MRPL44: variants seen among roughly 807,000 people sequenced by gnomAD.
The protein encoded by MRPL44 is large ribosomal subunit protein mL44.
In MRPL44, 21 loss-of-function variants were observed where a neutral mutation model predicts 25.9. That is an observed-to-expected ratio of 0.81 (90% confidence interval 0.58 to 1.17). MRPL44 has a LOEUF of 1.17. MRPL44 is among the 50% of genes most tolerant of loss of function. The probability of loss-of-function intolerance (pLI) is 0.00; values close to 1 mark genes in which losing one functional copy is unlikely to be tolerated. For missense variants in MRPL44, 410 were observed against 398.9 expected (o/e 1.03, Z -0.24); for synonymous variants, 169 against 151.0 (o/e 1.12, Z -0.87).
At chr2:223,951,482 T>TTTTTTTTG in the MRPL44 span, among the ~76,000 whole-genome samples, 2 of 137,022 alleles carry the variant, frequency 1.5e-5, no homozygotes, top group African/African-American at 6.6e-5. Flanking sequence ...CTTGGAGTTT[T>TTTTTTTTG]TTTTTTTTTT....
upstream of MRPL44, among the ~76,000 whole-genome samples, chr2:223,956,338 G>C (rs145206507): frequency 4.6e-5 from 7 of 152,250 alleles, no homozygotes; most frequent in East Asian, 9.7e-4. Context: ...TCTCCCTTTT[G>C]AAATGGTCAA....
intron 3 of MRPL44, chr2:223,965,732 C>T (rs1300351720): frequency 1.3e-5 from 2 of 152,150 alleles, no homozygotes; most frequent in Non-Finnish European, 2.9e-5. Context: ...ATAGAATACT[C>T]ATAGCCAACA....
At chr2:223,957,332 T>G (rs1689580501), upstream of MRPL44, 2 of 1,072,372 alleles carry the variant, frequency 1.9e-6, no homozygotes, top group Non-Finnish European at 2.7e-6. Flanking sequence ...GCCCCTGCCC[T>G]CTCTCAGTCG....
chr2:223,961,459 A>T (rs1689660514), intron 2 of MRPL44, among the ~76,000 whole-genome samples: 1 of 152,254 alleles, frequency 6.6e-6, no homozygotes, highest in Non-Finnish European at 1.5e-5. Flanking sequence ...CAGTATCAGC[A>T]TCACTGGAGA....
At chr2:223,965,252 TTTA>T (rs1689723631) in intron 3 of MRPL44, among the ~76,000 whole-genome samples, 1 of 152,208 alleles carries the variant, frequency 6.6e-6, no homozygotes, top group Admixed American at 6.5e-5. Context: ...TTTGTATGTG[TTTA>T]TTATTATAAA....
Position 223,963,929 on chromosome 2 carries a change from A to G in MRPL44, c.822A>G (p.Leu274=), listed in dbSNP as rs1243386791. Residue 274 remains leucine, a synonymous_variant, in exon 3 of 4, where the codon TTA becomes TTG. Transcript: ENST00000258383. ...TTALPLYFVG[L]YCDKKLIAEG... is the part of the protein sequence containing the mutation. ...CTTTGCCTTTGTATTTTGTTGGCTT[A>G]TACTGGTTAGTGAAATTTTAATCTT... The G allele has an allele frequency of 6.2e-7, 1 of 1,610,284 alleles. No homozygotes were observed. The highest frequency in any genetic ancestry group is 1.3e-5 in the African/African-American group (1 of 74,826).
intron 1 of MRPL44, among the ~76,000 whole-genome samples, chr2:223,959,310 A>G (rs1022823444): frequency 6.6e-6 from 1 of 152,248 alleles, no homozygotes; most frequent in Non-Finnish European, 1.5e-5. Flanking sequence ...AATTGGATCA[A>G]AGGGAAAATT....
chr2:223,960,370 T>C (rs1157194880), intron 2 of MRPL44, among the ~76,000 whole-genome samples: 1 of 152,216 alleles, frequency 6.6e-6, no homozygotes, highest in Non-Finnish European at 1.5e-5. Context: ...TGCTGTCTGC[T>C]CTTCCAAGTG....
At chr2:223,960,935 C>G (rs1004588514) in intron 2 of MRPL44, among the ~76,000 whole-genome samples, 12 of 152,186 alleles carry the variant, frequency 7.9e-5, no homozygotes, top group Non-Finnish European at 1.5e-4. Flanking sequence ...TGCGTCTTAA[C>G]AGTTCCAAGT....
intron 2 of MRPL44, 77 bp from the exon 3 acceptor site, chr2:223,963,679 G>C: frequency 1.1e-6 from 1 of 941,020 alleles, no homozygotes; most frequent in Non-Finnish European, 1.4e-6. Flanking sequence ...AATTTAAAAA[G>C]TGTAAAAAAT....
chr2:223,960,074 GAT>G lies in MRPL44; in HGVS notation c.648+77_648+78del, dbSNP rs1689634699. 4.0e-6 allele frequency: 5 copies of G among 1,254,288 alleles called. No individual in the cohort carries two copies. The South Asian group carries it at 6.0e-5, about 15-fold the overall frequency. The allele number at this position is 1,254,288 out of a possible 1,614,324, so 77.7% of individuals were successfully genotyped here. A position where few individuals can be genotyped will look rare whatever the true frequency, so the allele number is the denominator to read the frequency against. On this transcript the variant is annotated intron_variant, in intron 2 of 3. Coordinates refer to ENST00000258383, the MANE Select transcript of MRPL44 (RefSeq NM_022915.5). Reference sequence around the variant, plus strand: ...ATATTCTTTTGTAATTCACTTCTTTGATATATCACCTTGGAAGTGAATTTTTC... The same window carrying G: ...ATATTCTTTTGTAATTCACTTCTTTGATATCACCTTGGAAGTGAATTTTTC...
chr2:223,966,840 A>G, intron 3 of MRPL44, 23 bp from the exon 4 acceptor site: 1 of 1,601,380 alleles, frequency 6.2e-7, no homozygotes, highest in East Asian at 2.2e-5. Flanking sequence ...GTAATTTAAG[A>G]CTACTGTTTG....
At chr2:223,957,167 C>T (rs1048626167), upstream of MRPL44, among the ~76,000 whole-genome samples, 9 of 152,240 alleles carry the variant, frequency 5.9e-5, no homozygotes, top group Non-Finnish European at 1.0e-4. Flanking sequence ...GAGGAAGGAA[C>T]AAGAGAGTGA....
rs1177543313 is a variant in MRPL44, at chr2:223,957,552, C to G, written c.80C>G (p.Pro27Arg). 2 of 1,613,894 alleles carry G rather than the reference C, an allele frequency of 1.2e-6. No individual in the cohort carries two copies. Among genetic ancestry groups the G allele is most frequent in the South Asian group, 1.1e-5 (1 of 91,094 alleles). ...LAPVAPKLVP[P>R]VRGVKKGFRA... ...CCAGTCGCCCCCAAGCTGGTCCCTC[C>G]GGTTCGGGGAGTGAAGAAGGGATTC... is the stretch of plus-strand genomic sequence containing the variant. Residue 27 changes from proline to arginine, a missense_variant, in exon 1 of 4, where the codon CCG (proline) becomes CGG (arginine). Transcript: ENST00000258383.
At chr2:223,957,312 G>A, upstream of MRPL44, 2 of 811,878 alleles carry the variant, frequency 2.5e-6, no homozygotes, top group Admixed American at 4.8e-5. Flanking sequence ...CCCGCCCCGG[G>A]GCTGTCTCCG....
At chr2:223,956,501 C>T (rs1010576977), upstream of MRPL44, among the ~76,000 whole-genome samples, 9 of 152,038 alleles carry the variant, frequency 5.9e-5, no homozygotes, top group African/African-American at 2.2e-4. Flanking sequence ...ACACTAACCA[C>T]GGAAAGAGGT....
chr2:223,963,836 A>G lies in MRPL44; in HGVS notation c.729A>G (p.Glu243=). Residue 243 remains glutamate (E), a synonymous_variant, in exon 3 of 4, where the codon GAA becomes GAG. Transcript: ENST00000258383. The stretch of plus-strand genomic sequence containing the variant: ...TAAATCCCATGGGGCTATTGGTAGA[A>G]GAACTGAAGAAAAGGAATGTTTCAG... ...KIINPMGLLV[E]ELKKRNVSAP... 1 of 1,613,980 alleles carries G rather than the reference A, an allele frequency of 6.2e-7. No individual in the cohort carries two copies. Among genetic ancestry groups the G allele is most frequent in the African/African-American group, 1.3e-5 (1 of 75,056 alleles).
chr2:223,960,065 C>T, intron 2 of MRPL44, 63 bp downstream of exon 2: 1 of 1,339,892 alleles, frequency 7.5e-7, no homozygotes, highest in Non-Finnish European at 1.0e-6. Flanking sequence ...TTTTGTAATT[C>T]ACTTCTTTGA....
upstream of MRPL44, among the ~76,000 whole-genome samples, chr2:223,956,515 GAGAGCCACCAGGTACCTGC>G (rs2106114510): frequency 6.6e-6 from 1 of 152,290 alleles, no homozygotes; most frequent in South Asian, 2.1e-4. Flanking sequence ...AAGAGGTGAG[GAGAGCCACCAGGTACCTGC>G]AGTGGAAATA....
Sources: gnomAD v4.1 joint callset for allele counts (sites outside exome capture counted in the v4.1 genomes callset) on GRCh38, gnomAD v4.1.1 for gene constraint, MANE v1.5 for transcripts, NCBI Gene and HGNC (gene_info 2026-07-23, HGNC 2026-07-21) for gene names.